The following GZMH variants were observed in gnomAD, a reference collection of about 807,000 sequenced individuals.
GZMH encodes granzyme H, also known as cathepsin G-like 2, protein h-CCPX.
Under a neutral mutation model 20.7 loss-of-function variants are expected in GZMH, and 24 were observed. The ratio of observed to expected loss-of-function variants is 1.16; its 90% confidence interval spans 0.84 to 1.63. The LOEUF is 1.63. GZMH is among the 40% of genes most tolerant of loss of function. GZMH has a pLI of 0.00. For missense variants in GZMH, 344 were observed against 302.7 expected (o/e 1.14, Z -1.01); for synonymous variants, 119 against 116.1 (o/e 1.02, Z -0.16).
At chr14:24,606,843 C>T in intron 4 of GZMH, 97 bp from the exon 5 acceptor site, 1 of 1,111,274 alleles carries the variant, frequency 9.0e-7, no homozygotes, top group East Asian at 2.4e-5. Flanking sequence ...CAGGCCTTGT[C>T]ACTCACCTCC....
chr14:24,608,219 G>A (rs769474516), intron 2 of GZMH, 46 bp downstream of exon 2: 7 of 1,606,604 alleles, frequency 4.4e-6, no homozygotes, highest in Non-Finnish European at 6.0e-6. Flanking sequence ...GAAAACAAGG[G>A]TCCCTGTAGG....
intron 3 of GZMH, 59 bp from the exon 4 acceptor site, chr14:24,607,465 A>C: frequency 6.3e-7 from 1 of 1,575,038 alleles, no homozygotes. Context: ...GCCCCGACAC[A>C]GTGATGGGGC....
Position 24,606,717 on chromosome 14 carries a change from C to A in GZMH, c.627G>T (p.Lys209Asn). 3 of 1,613,922 alleles carry A rather than the reference C, an allele frequency of 1.9e-6. No homozygotes were observed. The highest frequency in any genetic ancestry group is 2.5e-6 in the Non-Finnish European group (3 of 1,179,860). The change falls in exon 5 of 5, where the codon AAG becomes AAT. Residue 209 changes from lysine (K) to asparagine (N), a missense_variant. Lys to Asn is a moderately conservative substitution (Grantham distance 94). Transcript: ENST00000216338. ...AGGAGAGAATACCTTGGGCTACGTC[C>A]TTACACACGAGGGGCCCCCCGGAGT... Reference protein sequence around the residue: ...KGDSGGPLVCKDVAQGILSYG... With the variant: ...KGDSGGPLVCNDVAQGILSYG...
At chr14:24,608,515 GAC>G in intron 1 of GZMH, 103 bp from the exon 2 acceptor site, 2 of 1,286,770 alleles carry the variant, frequency 1.6e-6, no homozygotes, top group Non-Finnish European at 2.2e-6. Flanking sequence ...GTGTGCTGCA[GAC>G]AGTGAGGGAG....
intron 1 of GZMH, 120 bp from the exon 2 acceptor site, chr14:24,608,532 C>G: frequency 9.3e-7 from 1 of 1,072,778 alleles, no homozygotes; most frequent in East Asian, 2.4e-5. Flanking sequence ...AGGGAGGGGT[C>G]CTCCTGAGCT....
In GZMH at chr14:24,608,366, G is replaced by T. The variant is rs199515835; in HGVS notation, c.102C>A (p.Tyr34Ter). ...CTTGCAGAAACTGAACAAAGGCCAT[G>T]TAGGGGCGGGAGTGGGGCTTGGCCT... ...GHEAKPHSRPYMAFVQFLQEK... is the reference protein window; with the variant it reads ...GHEAKPHSRP The change falls in exon 2 of 5, where the codon TAC (tyrosine) becomes TAA (stop). Residue 34 changes from tyrosine to a stop codon, truncating the protein, a stop_gained. Transcript: ENST00000216338. LOFTEE classifies it high-confidence loss of function. The T allele has an allele frequency of 2.0e-5, 33 of 1,614,192 alleles. No homozygotes were observed. The highest frequency in any genetic ancestry group is 2.6e-5 in the Non-Finnish European group (31 of 1,179,998).
chr14:24,608,285 T>C lies in GZMH; in HGVS notation c.183A>G (p.Thr61=). The C allele has an allele frequency of 6.2e-7, 1 of 1,614,190 alleles. No individual in the cohort carries two copies. The highest frequency in any genetic ancestry group is 1.1e-5 in the South Asian group (1 of 91,086). The change falls in exon 2 of 5, where the codon ACA becomes ACG. Residue 61 remains threonine, a synonymous_variant. Coordinates refer to ENST00000216338, the MANE Select transcript of GZMH (RefSeq NM_033423.5). The part of the protein sequence containing the change: ...GILVRKDFVL[T]AAHCQGSSIN... Reference sequence around the variant, plus strand: ...CTTACCTTCCCTGGCAGTGAGCAGCTGTCAGCACAAAGTCCTTTCTCACTA... The same window carrying C: ...CTTACCTTCCCTGGCAGTGAGCAGCCGTCAGCACAAAGTCCTTTCTCACTA...
Position 24,606,677 on chromosome 14 carries a change from CT to C in GZMH, c.666del (p.Thr224HisfsTer16). The C allele has an allele frequency of 6.2e-7, 1 of 1,613,876 alleles. No individual in the cohort carries two copies. Among genetic ancestry groups the C allele is most frequent in the South Asian group, 1.1e-5 (1 of 91,076 alleles). The stretch of plus-strand genomic sequence containing the variant: ...TTGATGTAGACTCCTGGAGGTGTCC[CT>C]TTTTTGTTTCCATAGGAGAGAATAC... ...AQGILSYGNK[K>X]GTPPGVYIKV... is the part of the protein sequence containing the mutation. On this transcript the variant is annotated frameshift_variant, in exon 5 of 5. Coordinates refer to ENST00000216338, the MANE Select transcript of GZMH (RefSeq NM_033423.5). LOFTEE classifies it low-confidence loss of function (END_TRUNC).
In GZMH at chr14:24,606,688, C is replaced by G. The variant is rs2066870558; in HGVS notation, c.656G>C (p.Gly219Ala). 6.2e-7 allele frequency: 1 copy of G among 1,613,448 alleles called. No homozygotes were observed. Among genetic ancestry groups the G allele is most frequent in the East Asian group, 2.2e-5 (1 of 44,870 alleles). ...KDVAQGILSY[G>A]NKKGTPPGVY... Reference sequence around the variant, plus strand: ...TCCTGGAGGTGTCCCTTTTTTGTTTCCATAGGAGAGAATACCTTGGGCTAC... The same window carrying G: ...TCCTGGAGGTGTCCCTTTTTTGTTTGCATAGGAGAGAATACCTTGGGCTAC... Residue 219 changes from glycine (G) to alanine (A), a missense_variant, in exon 5 of 5, where the codon GGA becomes GCA. Coordinates refer to ENST00000216338, the MANE Select transcript of GZMH (RefSeq NM_033423.5).
chr14:24,607,619 A>G lies in GZMH; in HGVS notation c.332T>C (p.Leu111Pro), dbSNP rs1174195337. 6.2e-7 allele frequency: 1 copy of G among 1,612,396 alleles called. No homozygotes were observed. Among genetic ancestry groups the G allele is most frequent in the Non-Finnish European group, 8.5e-7 (1 of 1,179,876 alleles). Reference protein sequence around the residue: ...NPKNFSNDIMLLQLERKAKWT... With the variant: ...NPKNFSNDIMPLQLERKAKWT... ...GGCAGGAGTGTGCCTCACCTGCAGT[A>G]GCATGATGTCGTTGGAGAAGTTCTT... is the stretch of plus-strand genomic sequence containing the variant. The change falls in exon 3 of 5, where the codon CTA (leucine) becomes CCA (proline). Residue 111 changes from leucine (L) to proline (P), a missense_variant. Physicochemically the swap from Leu to Pro is moderately conservative, Grantham distance 98. Transcript: ENST00000216338.
At chr14:24,607,989 A>C (rs1379112113) in intron 2 of GZMH, among the ~76,000 whole-genome samples, 1 of 152,086 alleles carries the variant, frequency 6.6e-6, no homozygotes, top group Non-Finnish European at 1.5e-5. Flanking sequence ...TTGCATTTTG[A>C]TCCTTAATGC....
intron 2 of GZMH, 118 bp downstream of exon 2, chr14:24,608,147 A>T: frequency 9.0e-7 from 1 of 1,106,696 alleles, no homozygotes; most frequent in South Asian, 1.4e-5. Context: ...TGCTCCGATG[A>T]GCTTTCATGG....
chr14:24,609,051 G>A (rs2066892677), intron 1 of GZMH, among the ~76,000 whole-genome samples: 1 of 152,222 alleles, frequency 6.6e-6, no homozygotes, highest in Non-Finnish European at 1.5e-5. Context: ...AACTAAAAAT[G>A]AATCGCAAAG....
Position 24,606,679 on chromosome 14 carries a change from T to A in GZMH, c.665A>T (p.Lys222Ile), listed in dbSNP as rs2066870473. 6.2e-7 allele frequency: 1 copy of A among 1,613,968 alleles called. No individual in the cohort carries two copies. The highest frequency in any genetic ancestry group is 8.5e-7 in the Non-Finnish European group (1 of 1,179,866). The change falls in exon 5 of 5, where the codon AAA becomes ATA. Residue 222 changes from lysine (K) to isoleucine (I), a missense_variant. Transcript: ENST00000216338. ...GATGTAGACTCCTGGAGGTGTCCCT[T>A]TTTTGTTTCCATAGGAGAGAATACC... is the stretch of plus-strand genomic sequence containing the variant. ...AQGILSYGNK[K>I]GTPPGVYIKV...
At chr14:24,608,509 G>T in intron 1 of GZMH, 97 bp from the exon 2 acceptor site, 2 of 1,360,544 alleles carry the variant, frequency 1.5e-6, no homozygotes, top group Non-Finnish European at 2.1e-6. Flanking sequence ...TGTTTTGTGT[G>T]CTGCAGACAG....
At chr14:24,607,828 T>G in intron 2 of GZMH, 81 bp from the exon 3 acceptor site, 7 of 1,600,268 alleles carry the variant, frequency 4.4e-6, no homozygotes, top group Non-Finnish European at 6.0e-6. Context: ...ATGACAGCTG[T>G]GGCAGGGTAG....
rs1359077025 is a variant in GZMH at position 24,608,307 on chromosome 14, A to T, written c.161T>A (p.Val54Glu). Residue 54 changes from valine (V) to glutamate (E), a missense_variant, in exon 2 of 5, where the codon GTG (valine) becomes GAG (glutamate). Physicochemically the swap from Val to Glu is moderately radical, Grantham distance 121. Transcript: ENST00000216338. ...KSRKRCGGIL[V>E]RKDFVLTAAH... ...AGCTGTCAGCACAAAGTCCTTTCTC[A>T]CTAGGATGCCGCCACACCTCTTCCG... 6.2e-6 allele frequency: 10 copies of T among 1,614,156 alleles called. No individual in the cohort carries two copies. The highest frequency in any genetic ancestry group is 7.6e-6 in the Non-Finnish European group (9 of 1,180,012).
Position 24,607,373 on chromosome 14 carries a change from G to T in GZMH, c.373C>A (p.Arg125=). 2 of 1,606,088 alleles carry T rather than the reference G, an allele frequency of 1.2e-6. No homozygotes were observed. Among genetic ancestry groups the T allele is most frequent in the Non-Finnish European group, 8.5e-7 (1 of 1,174,300 alleles). ...TTGCTGCTAGGTAGCCTGAGAGGCC[G>T]CACAGCTGTGGTCCACTTGGCCTTT... ...ERKAKWTTAV[R]PLRLPSSKAQ... The change falls in exon 4 of 5, where the codon CGG becomes AGG. Residue 125 remains arginine, a synonymous_variant. Coordinates refer to ENST00000216338, the MANE Select transcript of GZMH (RefSeq NM_033423.5).
intron 1 of GZMH, among the ~76,000 whole-genome samples, chr14:24,608,851 G>A (rs1308804833): frequency 6.6e-6 from 1 of 152,200 alleles, no homozygotes; most frequent in Non-Finnish European, 1.5e-5. Context: ...ATGTGCCAGG[G>A]CTGAACACAT....
Sources: gnomAD v4.1 joint callset for allele counts (sites outside exome capture counted in the v4.1 genomes callset) on GRCh38, gnomAD v4.1.1 for gene constraint, MANE v1.5 for transcripts, NCBI Gene and HGNC (gene_info 2026-07-23, HGNC 2026-07-21) for gene names.